PTPRM: variants seen among roughly 807,000 people sequenced by gnomAD.
PTPRM encodes the protein receptor-type tyrosine-protein phosphatase mu.
PTPRM carries 47 observed loss-of-function variants against 186.7 expected under a neutral mutation model. The observed-to-expected ratio is 0.25, with a 90% CI of 0.20 to 0.32. The LOEUF (loss-of-function observed/expected upper bound fraction) is 0.32, where lower values mean the gene tolerates loss of function less well. Among genes scored for constraint, PTPRM ranks in the 10% least tolerant of loss-of-function variants. PTPRM has a pLI of 1.00. For missense variants in PTPRM, 1,494 were observed against 1,865.0 expected (o/e 0.80, Z 3.66); for synonymous variants, 668 against 674.9 (o/e 0.99, Z 0.16).
At chr18:7,857,280 A>C (rs986434972) in intron 2 of PTPRM, among the ~76,000 whole-genome samples, 1 of 152,170 alleles carries the variant, frequency 6.6e-6, no homozygotes, top group African/African-American at 2.4e-5. Flanking sequence ...CTGATAAGCA[A>C]CTTGGAAACT....
intron 1 of PTPRM, among the ~76,000 whole-genome samples, chr18:7,635,818 C>A (rs1009916428): frequency 2.0e-5 from 3 of 152,152 alleles, no homozygotes; most frequent in African/African-American, 7.2e-5. Context: ...ATTTTCCTTG[C>A]GGAGGCAGTT....
At chr18:8,017,361 A>T (rs573958487) in intron 7 of PTPRM, among the ~76,000 whole-genome samples, 1 of 152,160 alleles carries the variant, frequency 6.6e-6, no homozygotes, top group African/African-American at 2.4e-5. Context: ...ACATGGTGAA[A>T]TATACAAAAA....
chr18:8,377,343 A>T (rs1209398938), intron 26 of PTPRM: 1 of 152,204 alleles, frequency 6.6e-6, no homozygotes, highest in Non-Finnish European at 1.5e-5. Flanking sequence ...TTTTTAGCTA[A>T]CATAAAAATA....
chr18:8,148,849 T>C (rs1453595573), intron 14 of PTPRM, among the ~76,000 whole-genome samples: 1 of 152,228 alleles, frequency 6.6e-6, no homozygotes, highest in Non-Finnish European at 1.5e-5. Flanking sequence ...TGGTACGTTG[T>C]GTCTTCATTC....
intron 4 of PTPRM, among the ~76,000 whole-genome samples, chr18:7,916,170 G>A (rs1331823618): frequency 2.6e-5 from 4 of 152,090 alleles, no homozygotes; most frequent in Non-Finnish European, 5.9e-5. Context: ...CAGGTGATGG[G>A]TACACTAAAA....
Position 8,233,749 on chromosome 18 carries a change from A to G in PTPRM, c.2301-10309A>G, listed in dbSNP as rs567140071. On this transcript the variant is annotated intron_variant, in intron 14 of 32. Coordinates refer to ENST00000580170, the MANE Select transcript of PTPRM (RefSeq NM_001105244.2). ...TCCAAGGTCATCTAGATTTTCTCCT[A>G]TGTTATCTTCTAGGAGTTTCATAGT... 1.9e-4 allele frequency among the ~76,000 whole-genome samples: 29 copies of G among 152,066 alleles called. No individual in the cohort carries two copies. The South Asian group carries it at 5.8e-3, about 30-fold the overall frequency.
At chr18:8,289,565 T>TATATATATTCATATATATATACAC (rs2095013096) in intron 19 of PTPRM, among the ~76,000 whole-genome samples, 1 of 96,608 alleles carries the variant, frequency 1.0e-5, no homozygotes, top group Admixed American at 9.9e-5. Context: ...TATATACACA[T>TATATATATTCATATATATATACAC]ATATATATAT....
intron 2 of PTPRM, among the ~76,000 whole-genome samples, chr18:7,831,281 G>A (rs936513291): frequency 1.3e-5 from 2 of 151,938 alleles, no homozygotes; most frequent in African/African-American, 4.8e-5. Context: ...TTCTTATCAT[G>A]TCAGTCTTAC....
intron 1 of PTPRM, among the ~76,000 whole-genome samples, chr18:7,713,863 C>G (rs997721552): frequency 6.6e-6 from 1 of 152,022 alleles, no homozygotes; most frequent in Non-Finnish European, 1.5e-5. Context: ...CAGGAGCACC[C>G]AGATTCATAA....
chr18:8,183,651 A>G (rs1429240675), intron 14 of PTPRM, among the ~76,000 whole-genome samples: 1 of 152,178 alleles, frequency 6.6e-6, no homozygotes, highest in Non-Finnish European at 1.5e-5. Flanking sequence ...GGAATAAAAT[A>G]GTTAACCAAT....
intron 1 of PTPRM, among the ~76,000 whole-genome samples, chr18:7,647,586 C>T (rs2038595795): frequency 6.6e-6 from 1 of 152,230 alleles, no homozygotes; most frequent in Non-Finnish European, 1.5e-5. Context: ...ATGATATAGT[C>T]AGAACTGCTC....
At chr18:8,057,313 G>C (rs942638834) in intron 7 of PTPRM, among the ~76,000 whole-genome samples, 3 of 150,872 alleles carry the variant, frequency 2.0e-5, no homozygotes, top group Non-Finnish European at 2.9e-5. Flanking sequence ...ACTTTTCAAT[G>C]TGTTTTAAAG....
At chr18:8,150,978 T>G (rs2092992882) in intron 14 of PTPRM, among the ~76,000 whole-genome samples, 1 of 152,124 alleles carries the variant, frequency 6.6e-6, no homozygotes, top group South Asian at 2.1e-4. Flanking sequence ...CAGCAAAGAT[T>G]GCTGCCTGTT....
At chr18:8,181,625 G>T (rs59198827) in intron 14 of PTPRM, among the ~76,000 whole-genome samples, 11,617 of 152,198 alleles carry the variant, frequency 0.076, 495 homozygotes, top group Middle Eastern at 0.22. Flanking sequence ...AGCATTTTCT[G>T]CTGCTTGTGC....
At chr18:7,814,581 T>C (rs983651751) in intron 2 of PTPRM, 1 of 152,120 alleles carries the variant, frequency 6.6e-6, no homozygotes, top group South Asian at 2.1e-4. Flanking sequence ...AGAGGGATAA[T>C]AGTGATGCTA....
intron 13 of PTPRM, among the ~76,000 whole-genome samples, chr18:8,133,382 G>A (rs2092560737): frequency 6.6e-6 from 1 of 152,134 alleles, no homozygotes; most frequent in South Asian, 2.1e-4. Flanking sequence ...GCATGTGAGG[G>A]CCACAAAGAT....
intron 23 of PTPRM, among the ~76,000 whole-genome samples, chr18:8,354,204 T>G (rs1422022458): frequency 1.9e-5 from 2 of 102,784 alleles, no homozygotes; most frequent in African/African-American, 7.1e-5. Context: ...CAGAGTGAGA[T>G]TCCGTCTTAA....
chr18:8,260,242 C>T lies in PTPRM; in HGVS notation c.2754+6828C>T, dbSNP rs1463393877. Among the ~76,000 whole-genome samples, 3 of 152,224 alleles carry T rather than the reference C, an allele frequency of 2.0e-5. No individual in the cohort carries two copies. In the East Asian group the frequency reaches 5.8e-4, roughly 29 times the overall value. On this transcript the variant is annotated intron_variant, in intron 19 of 32. Transcript: ENST00000580170. ...GTAGTGGTGTAATCATAGCTTACTACAGCCTTGACCTCCTCAGCTCAAGAA... is the reference window on the plus strand; with the variant it reads ...GTAGTGGTGTAATCATAGCTTACTATAGCCTTGACCTCCTCAGCTCAAGAA...
chr18:8,376,731 T>TTTCC, intron 26 of PTPRM, 134 bp downstream of exon 26: 1 of 915,552 alleles, frequency 1.1e-6, no homozygotes, highest in Non-Finnish European at 1.5e-6. Context: ...TCCCTGTTCC[T>TTTCC]TCCCTCCCTC....
Sources: gnomAD v4.1 joint callset for allele counts (sites outside exome capture counted in the v4.1 genomes callset) on GRCh38, gnomAD v4.1.1 for gene constraint, MANE v1.5 for transcripts, NCBI Gene and HGNC (gene_info 2026-07-23, HGNC 2026-07-21) for gene names.